Variants in TACR3 observed in about 807,000 individuals in gnomAD.
The protein encoded by TACR3 is neuromedin-K receptor.
TACR3 carries 34 observed loss-of-function variants against 35.0 expected under a neutral mutation model. That is an observed-to-expected ratio of 0.97 (90% CI 0.74 to 1.30). The LOEUF is 1.30. Ranked by LOEUF, TACR3 falls within the 50% of genes most tolerant of loss-of-function variation. The pLI is 0.00. For synonymous variants in TACR3, 233 were observed against 221.1 expected (o/e 1.05, Z -0.48); for missense variants, 558 against 591.7 (o/e 0.94, Z 0.59).
At chr4:103,620,226 A>G (rs190102871) in intron 3 of TACR3, among the ~76,000 whole-genome samples, 236 of 152,348 alleles carry the variant, frequency 1.5e-3, no homozygotes, top group Non-Finnish European at 2.7e-3. Context: ...AATGGCTTTT[A>G]TTAAACAGTC....
chr4:103,616,200 G>C (rs928850181), intron 3 of TACR3, among the ~76,000 whole-genome samples: 1 of 152,040 alleles, frequency 6.6e-6, no homozygotes, highest in African/African-American at 2.4e-5. Flanking sequence ...GCACAGAACA[G>C]ACAACCAAAG....
Position 103,618,918 on chromosome 4 carries a change from C to T in TACR3, c.889-27235G>A, listed in dbSNP as rs1215638027. ...CCTGGAATGCTGGTATATAGAAATG[C>T]TATTGATTTTTGTACGTTGATTTTG... is the stretch of plus-strand genomic sequence containing the variant. On this transcript the variant is annotated intron_variant, in intron 3 of 4. Transcript: ENST00000304883. Among the ~76,000 whole-genome samples, 6 of 152,000 alleles carry T rather than the reference C, an allele frequency of 3.9e-5. No homozygotes were observed. The East Asian group carries it at 9.6e-4, about 24-fold the overall frequency.
At chr4:103,655,918 T>A (rs1427945523) in intron 3 of TACR3, among the ~76,000 whole-genome samples, 1 of 152,054 alleles carries the variant, frequency 6.6e-6, no homozygotes, top group Non-Finnish European at 1.5e-5. Context: ...TAGTGAAATT[T>A]TAGCAATTTC....
At chr4:103,659,073 G>T (rs1382889560) in intron 1 of TACR3, among the ~76,000 whole-genome samples, 1 of 152,092 alleles carries the variant, frequency 6.6e-6, no homozygotes, top group Non-Finnish European at 1.5e-5. Flanking sequence ...AGAATCTAAT[G>T]CCGCTGACCT....
chr4:103,698,549 T>TCTTTTTTTC (rs1260382628), intron 1 of TACR3, among the ~76,000 whole-genome samples: 1 of 152,002 alleles, frequency 6.6e-6, no homozygotes, highest in African/African-American at 2.4e-5. Context: ...TTCTTTTTTT[T>TCTTTTTTTC]CTTTTTTTGG....
At chr4:103,680,466 G>GTGA (rs1726265600) in intron 1 of TACR3, among the ~76,000 whole-genome samples, 1 of 138,770 alleles carries the variant, frequency 7.2e-6, no homozygotes, top group Admixed American at 7.2e-5. Flanking sequence ...TCCAGATTAA[G>GTGA]TGATATATAT....
chr4:103,614,293 A>G (rs151069931), intron 3 of TACR3, among the ~76,000 whole-genome samples: 237 of 152,308 alleles, frequency 1.6e-3, no homozygotes, highest in African/African-American at 5.0e-3. Flanking sequence ...AAAGCTATTC[A>G]AGGAATATCT....
At chr4:103,643,471 G>A (rs540079809) in intron 3 of TACR3, among the ~76,000 whole-genome samples, 1 of 151,430 alleles carries the variant, frequency 6.6e-6, no homozygotes, top group Non-Finnish European at 1.5e-5. Flanking sequence ...GATTGCCTAA[G>A]GGTAGCTACC....
intron 3 of TACR3, among the ~76,000 whole-genome samples, chr4:103,614,826 C>T (rs1010563016): frequency 1.4e-5 from 2 of 145,096 alleles, no homozygotes; most frequent in Non-Finnish European, 3.0e-5. Flanking sequence ...CATGATCTTG[C>T]TAATTTATAA....
chr4:103,617,576 AGAGTCTATT>A (rs1263686905), intron 3 of TACR3, among the ~76,000 whole-genome samples: 2 of 152,170 alleles, frequency 1.3e-5, no homozygotes, highest in Non-Finnish European at 2.9e-5. Flanking sequence ...GTTTCTGGTC[AGAGTCTATT>A]CTTTTTAGCA....
intron 3 of TACR3, among the ~76,000 whole-genome samples, chr4:103,629,872 CAAA>C (rs1157154870): frequency 1.9e-5 from 2 of 104,122 alleles, no homozygotes; most frequent in African/African-American, 7.6e-5. Flanking sequence ...AAAAAAAAAA[CAAA>C]AAAAACAACA....
intron 3 of TACR3, among the ~76,000 whole-genome samples, chr4:103,632,503 A>C (rs1000629325): frequency 7.3e-5 from 11 of 151,452 alleles, no homozygotes; most frequent in African/African-American, 2.7e-4. Flanking sequence ...ACACATGGAC[A>C]CAGGAAGGAG....
intron 3 of TACR3, among the ~76,000 whole-genome samples, chr4:103,626,452 A>G (rs1299648143): frequency 6.6e-6 from 1 of 152,134 alleles, no homozygotes; most frequent in African/African-American, 2.4e-5. Context: ...TGTTTAGGAA[A>G]AAGACGTATA....
Position 103,616,233 on chromosome 4 carries a change from T to C in TACR3, c.889-24550A>G, listed in dbSNP as rs868698264. Reference sequence around the variant, plus strand: ...AAGAAAAAAAGACAGGACATATTATTATAAAGATGTTTCCAATATAAGAAT... The same window carrying C: ...AAGAAAAAAAGACAGGACATATTATCATAAAGATGTTTCCAATATAAGAAT... On this transcript the variant is annotated intron_variant, in intron 3 of 4. Coordinates refer to ENST00000304883, the MANE Select transcript of TACR3 (RefSeq NM_001059.3). Among the ~76,000 whole-genome samples, 4 of 152,144 alleles carry C rather than the reference T, an allele frequency of 2.6e-5. 1 individual carries two copies. Among genetic ancestry groups the C allele is most frequent in the African/African-American group, 9.7e-5 (4 of 41,440 alleles).
At chr4:103,594,723 A>G (rs1723968845) in intron 3 of TACR3, among the ~76,000 whole-genome samples, 1 of 152,188 alleles carries the variant, frequency 6.6e-6, no homozygotes, top group Non-Finnish European at 1.5e-5. Flanking sequence ...ACATGCAAAA[A>G]TTAAAATGCA....
chr4:103,719,776 G>A lies in TACR3; in HGVS notation c.-101C>T, dbSNP rs1723174565. 2.7e-6 allele frequency: 4 copies of A among 1,461,046 alleles called. No homozygotes were observed. Among genetic ancestry groups the A allele is most frequent in the Admixed American group, 1.9e-5 (1 of 53,426 alleles). The allele number at this position is 1,461,046 out of a possible 1,614,324, so 90.5% of individuals were successfully genotyped here. A position where few individuals can be genotyped will look rare whatever the true frequency, so the allele number is the denominator to read the frequency against. ...TCTGCCTCCTGGTCACTTTGGTGCC[G>A]GAGTCTTCAGATAAGACTGGAAGCT... On this transcript the variant is annotated 5_prime_UTR_variant, in exon 1 of 5. Transcript: ENST00000304883.
At chr4:103,604,746 C>G (rs974171672) in intron 3 of TACR3, among the ~76,000 whole-genome samples, 4 of 151,764 alleles carry the variant, frequency 2.6e-5, no homozygotes, top group Non-Finnish European at 5.9e-5. Context: ...AGACACTTCT[C>G]AAAACAAGAC....
chr4:103,592,587 A>G (rs1270722782), intron 3 of TACR3, among the ~76,000 whole-genome samples: 1 of 152,224 alleles, frequency 6.6e-6, no homozygotes, highest in Non-Finnish European at 1.5e-5. Context: ...GCAATGTACA[A>G]TGAACAATGT....
At chr4:103,700,567 T>G (rs982504917) in intron 1 of TACR3, among the ~76,000 whole-genome samples, 2 of 152,226 alleles carry the variant, frequency 1.3e-5, no homozygotes, top group African/African-American at 4.8e-5. Flanking sequence ...AAACAGGTGA[T>G]GTCTCCTTAT....
Sources: gnomAD v4.1 joint callset for allele counts (sites outside exome capture counted in the v4.1 genomes callset) on GRCh38, gnomAD v4.1.1 for gene constraint, MANE v1.5 for transcripts, NCBI Gene and HGNC (gene_info 2026-07-23, HGNC 2026-07-21) for gene names.